Variants in RBFOX1 observed in about 807,000 individuals in gnomAD.
RBFOX1 encodes the protein RNA binding fox-1 homolog 1.
RBFOX1 carries 8 observed loss-of-function variants against 57.7 expected under a neutral mutation model. The ratio of observed to expected loss-of-function variants is 0.14; its 90% CI spans 0.08 to 0.25. RBFOX1 has a LOEUF of 0.25. Among genes scored for constraint, RBFOX1 ranks in the 10% least tolerant of loss-of-function variants. The pLI is 1.00. For missense variants in RBFOX1, 611 were observed against 548.5 expected (o/e 1.11, Z -1.14); for synonymous variants, 326 against 222.4 (o/e 1.47, Z -4.15).
chr16:6,711,360 C>T (rs936608886), intron 3 of RBFOX1, among the ~76,000 whole-genome samples: 1 of 152,176 alleles, frequency 6.6e-6, no homozygotes, highest in Non-Finnish European at 1.5e-5. Flanking sequence ...CTGGTCCCTA[C>T]CAACTTTGTC....
intron 3 of RBFOX1, among the ~76,000 whole-genome samples, chr16:5,697,359 A>G (rs1181599340): frequency 6.6e-6 from 1 of 151,230 alleles, no homozygotes; most frequent in Non-Finnish European, 1.5e-5. Context: ...TAAAACTCAT[A>G]TAATATGAAT....
chr16:6,073,990 C>T (rs1169511360), intron 1 of RBFOX1, among the ~76,000 whole-genome samples: 1 of 152,018 alleles, frequency 6.6e-6, no homozygotes, highest in Admixed American at 6.5e-5. Context: ...ACTCTGTCGC[C>T]CAGAGTGGAG....
At chr16:5,742,850 T>C (rs2052826500) in intron 3 of RBFOX1, among the ~76,000 whole-genome samples, 1 of 152,194 alleles carries the variant, frequency 6.6e-6, no homozygotes, top group Admixed American at 6.5e-5. Context: ...AAGAGCTAGC[T>C]TGAAGAACTT....
chr16:5,345,949 A>G (rs2065129968), intron 1 of RBFOX1, among the ~76,000 whole-genome samples: 1 of 152,206 alleles, frequency 6.6e-6, no homozygotes, highest in South Asian at 2.1e-4. Context: ...TTATGCCCCT[A>G]GGAATCTACC....
At chr16:7,394,235 C>CAAAAAAAAAAAAAAAAAAAAAAA (rs59934126) in intron 4 of RBFOX1, among the ~76,000 whole-genome samples, 2 of 55,026 alleles carry the variant, frequency 3.6e-5, no homozygotes, top group African/African-American at 8.4e-5. Flanking sequence ...GACTCCGCAT[C>CAAAAAAAAAAAAAAAAAAAAAAA]AAAAAAAAAA....
intron 2 of RBFOX1, among the ~76,000 whole-genome samples, chr16:5,494,223 A>T (rs1487092427): frequency 6.6e-6 from 1 of 152,160 alleles, no homozygotes; most frequent in Admixed American, 6.5e-5. Flanking sequence ...TCCTTGGCGG[A>T]TGCTACCCTC....
chr16:6,779,898 T>C (rs1447651639), intron 3 of RBFOX1, among the ~76,000 whole-genome samples: 3 of 36,674 alleles, frequency 8.2e-5, no homozygotes, highest in South Asian at 2.2e-3. Context: ...TTTATATATA[T>C]TTATATATAT....
intron 1 of RBFOX1, among the ~76,000 whole-genome samples, chr16:5,377,393 G>A (rs1057377708): frequency 3.3e-5 from 5 of 151,406 alleles, no homozygotes; most frequent in Non-Finnish European, 7.3e-5. Context: ...ATGAGAAGGA[G>A]TTGACCAGGC....
chr16:7,214,436 A>T (rs989562081), intron 4 of RBFOX1, among the ~76,000 whole-genome samples: 1 of 151,668 alleles, frequency 6.6e-6, no homozygotes, highest in African/African-American at 2.4e-5. Context: ...CTCCCTTCCT[A>T]TTCTAAATCA....
rs551257488 is a variant in RBFOX1, at chr16:6,360,658, G to A, written c.-64+43601G>A. On this transcript the variant is annotated intron_variant, in intron 2 of 15. Coordinates refer to ENST00000550418, the MANE Select transcript of RBFOX1 (RefSeq NM_018723.4). ...ACAAACCCTTTGTCAAGTATATCATGCCGTTTCAGAATTATCTGAAATAAT... is the reference window on the plus strand; with the variant it reads ...ACAAACCCTTTGTCAAGTATATCATACCGTTTCAGAATTATCTGAAATAAT... 4.2e-4 allele frequency among the ~76,000 whole-genome samples: 64 copies of A among 152,270 alleles called. No homozygotes were observed. In the South Asian group the frequency reaches 7.3e-3, roughly 17 times the overall value.
rs1475055361 is a variant in RBFOX1 at position 6,019,965 on chromosome 16, C to T, written c.-154C>T. 6 of 1,531,424 alleles carry T rather than the reference C, an allele frequency of 3.9e-6. No individual in the cohort carries two copies. The highest frequency in any genetic ancestry group is 1.2e-5 in the South Asian group (1 of 83,768). The allele number at this position is 1,531,424 out of a possible 1,614,324, so 94.9% of individuals were successfully genotyped here. On this transcript the variant is annotated 5_prime_UTR_variant, in exon 1 of 16. Coordinates refer to ENST00000550418, the MANE Select transcript of RBFOX1 (RefSeq NM_018723.4). This position sits in a 1 kb window ranked among gnomAD's most constrained non-coding sequence, Gnocchi z 4.2. ...CGGGGGTCTGGGGCCGAGAACGTGACCGCAGCCGGGCTCGCCGGGAGTTCT... is the reference window on the plus strand; with the variant it reads ...CGGGGGTCTGGGGCCGAGAACGTGATCGCAGCCGGGCTCGCCGGGAGTTCT...
At chr16:6,800,728 A>G (rs1327529204) in intron 3 of RBFOX1, among the ~76,000 whole-genome samples, 2 of 152,174 alleles carry the variant, frequency 1.3e-5, no homozygotes, top group African/African-American at 4.8e-5. Flanking sequence ...GACTCCTTTT[A>G]TCTTTTAGAT....
At chr16:7,569,952 T>A (rs1233466540) in intron 5 of RBFOX1, among the ~76,000 whole-genome samples, 5 of 152,196 alleles carry the variant, frequency 3.3e-5, no homozygotes, top group Non-Finnish European at 7.3e-5. Flanking sequence ...ATTAGTTTGT[T>A]TGGGGGATCC....
intron 1 of RBFOX1, among the ~76,000 whole-genome samples, chr16:5,263,170 T>G (rs1336410818): frequency 6.6e-6 from 1 of 152,004 alleles, no homozygotes; most frequent in African/African-American, 2.4e-5. Context: ...GGACTTCCAG[T>G]AGAATAATAC....
chr16:7,487,631 A>G (rs1199787302), intron 4 of RBFOX1, among the ~76,000 whole-genome samples: 1 of 152,166 alleles, frequency 6.6e-6, no homozygotes, highest in Non-Finnish European at 1.5e-5. Context: ...GCACCTGTTC[A>G]TATACATATA....
At chr16:7,110,166 A>T (rs1248078700) in intron 4 of RBFOX1, among the ~76,000 whole-genome samples, 1 of 148,270 alleles carries the variant, frequency 6.7e-6, no homozygotes, top group Non-Finnish European at 1.5e-5. Flanking sequence ...CCTGGGCAAC[A>T]TAGCGAGACC....
intron 3 of RBFOX1, among the ~76,000 whole-genome samples, chr16:6,885,150 C>T (rs1436646571): frequency 6.6e-6 from 1 of 152,150 alleles, no homozygotes; most frequent in African/African-American, 2.4e-5. Context: ...GACTGGACCG[C>T]CTCCTCCTTC....
chr16:7,057,901 C>A (rs919279881), intron 4 of RBFOX1, among the ~76,000 whole-genome samples: 1 of 148,850 alleles, frequency 6.7e-6, no homozygotes, highest in East Asian at 2.1e-4. Context: ...CCAGCTACTC[C>A]GGAGGCTGAG....
intron 3 of RBFOX1, among the ~76,000 whole-genome samples, chr16:6,859,210 T>C (rs1022310401): frequency 6.0e-5 from 8 of 133,480 alleles, no homozygotes; most frequent in African/African-American, 1.4e-4. Flanking sequence ...TATATATATA[T>C]ACAAAAATTA....
Sources: gnomAD v4.1 joint callset for allele counts (sites outside exome capture counted in the v4.1 genomes callset) on GRCh38, gnomAD v4.1.1 for gene constraint, Gnocchi (gnomAD v3.1) non-coding constraint, MANE v1.5 for transcripts, NCBI Gene and HGNC (gene_info 2026-07-23, HGNC 2026-07-21) for gene names.